The following FNIP2 variants were observed in gnomAD, a reference collection of about 807,000 sequenced individuals.
The protein encoded by FNIP2 is folliculin interacting protein 2, also known as folliculin-interacting protein 2.
FNIP2 carries 32 observed loss-of-function variants against 108.7 expected under a neutral mutation model. The ratio of observed to expected loss-of-function variants is 0.29; its 90% confidence interval spans 0.22 to 0.40. FNIP2 has a LOEUF of 0.40. Ranked by LOEUF, FNIP2 falls within the 10% of genes least tolerant of loss-of-function variation. The probability of loss-of-function intolerance (pLI) is 1.00; values close to 1 mark genes in which losing one functional copy is unlikely to be tolerated. For missense variants in FNIP2, 1,202 were observed against 1,381.6 expected, an observed-to-expected ratio of 0.87 and a Z score of 2.06; for synonymous variants, 480 against 496.7, an observed-to-expected ratio of 0.97 and a Z score of 0.45.
intron 7 of FNIP2, among the ~76,000 whole-genome samples, chr4:158,839,085 G>A (rs1778973036): frequency 6.6e-6 from 1 of 152,250 alleles, no homozygotes; most frequent in East Asian, 1.9e-4. Context: ...CTGAGGAAGT[G>A]TTTGTCAGTT....
chr4:158,832,915 G>A (rs753545036), intron 5 of FNIP2, among the ~76,000 whole-genome samples: 15 of 151,936 alleles, frequency 9.9e-5, no homozygotes, highest in South Asian at 4.2e-4. Context: ...TTCTGTCGTC[G>A]TTTTTGTCAG....
chr4:158,868,018 C>G lies in FNIP2; in HGVS notation c.1466-84C>G, dbSNP rs1343336835. 24 of 1,516,482 alleles carry G rather than the reference C, an allele frequency of 1.6e-5. No individual in the cohort carries two copies. The highest frequency in any genetic ancestry group is 2.7e-6 in the Non-Finnish European group (3 of 1,120,352). 93.9% of individuals were successfully genotyped at this position (1,516,482 alleles called of 1,614,324 possible). On this transcript the variant is annotated intron_variant, in intron 12 of 16. Transcript: ENST00000264433. This position sits in a 1 kb window ranked among gnomAD's most constrained non-coding sequence, Gnocchi z 4.6. Reference sequence around the variant, plus strand: ...ACTCCAGATTGGGAATATAAGTTATCTGTTTTGCTCTTGTAAAGACGGATA... The same window carrying G: ...ACTCCAGATTGGGAATATAAGTTATGTGTTTTGCTCTTGTAAAGACGGATA...
intron 15 of FNIP2, chr4:158,893,520 AGACT>A (rs1267558950): frequency 3.6e-6 from 2 of 553,394 alleles, no homozygotes; most frequent in African/African-American, 1.9e-5. Flanking sequence ...ATGGTTGCAA[AGACT>A]GACAACACCT....
intron 1 of FNIP2, among the ~76,000 whole-genome samples, chr4:158,822,073 G>A (rs948375635): frequency 4.0e-5 from 6 of 151,382 alleles, no homozygotes; most frequent in African/African-American, 7.3e-5. Context: ...GGGCAACAGA[G>A]CAAAAACCTG....
At chr4:158,779,907 G>A (rs1409543578) in intron 1 of FNIP2, among the ~76,000 whole-genome samples, 1 of 151,544 alleles carries the variant, frequency 6.6e-6, no homozygotes, top group Non-Finnish European at 1.5e-5. Context: ...AAAATGTGTG[G>A]GCAAAAAATA....
At chr4:158,843,590 G>A (rs951340592) in intron 7 of FNIP2, among the ~76,000 whole-genome samples, 14 of 152,304 alleles carry the variant, frequency 9.2e-5, no homozygotes, top group African/African-American at 2.9e-4. Context: ...CTTATGGAAG[G>A]CCTCTCTGAG....
intron 7 of FNIP2, among the ~76,000 whole-genome samples, chr4:158,841,255 G>T (rs188143579): frequency 6.6e-6 from 1 of 152,304 alleles, no homozygotes; most frequent in Admixed American, 6.5e-5. Flanking sequence ...GCGAGATAAG[G>T]CTGGGGTGAG....
chr4:158,851,724 G>T (rs1307061598), intron 8 of FNIP2, among the ~76,000 whole-genome samples: 2 of 152,172 alleles, frequency 1.3e-5, no homozygotes, highest in Non-Finnish European at 2.9e-5. Context: ...AAAATGGTGT[G>T]CTCTCTTTAA....
chr4:158,860,432 G>C (rs1392952612), intron 10 of FNIP2, among the ~76,000 whole-genome samples: 3 of 151,966 alleles, frequency 2.0e-5, no homozygotes, highest in Admixed American at 6.5e-5. Context: ...TTTTTACTGT[G>C]GATTATGTGT....
At chr4:158,806,956 T>TA (rs1007844257) in intron 1 of FNIP2, among the ~76,000 whole-genome samples, 6 of 152,202 alleles carry the variant, frequency 3.9e-5, no homozygotes, top group Non-Finnish European at 7.3e-5. Flanking sequence ...GGAGCTTGTC[T>TA]AAAAAGAATA....
chr4:158,835,366 A>C lies in FNIP2; in HGVS notation c.656-39A>C, dbSNP rs775793918. 26 of 1,584,544 alleles carry C rather than the reference A, an allele frequency of 1.6e-5. No homozygotes were observed. The East Asian group carries it at 3.6e-4, about 22-fold the overall frequency. Reference sequence around the variant, plus strand: ...GTCATTTTAAAAACTTTATCTCTGAAGAGCCCAATAACATGGTTTTCTTGT... The same window carrying C: ...GTCATTTTAAAAACTTTATCTCTGACGAGCCCAATAACATGGTTTTCTTGT... On this transcript the variant is annotated intron_variant, in intron 6 of 16. Transcript: ENST00000264433.
At chr4:158,811,622 G>A (rs13152601) in intron 1 of FNIP2, among the ~76,000 whole-genome samples, 45,983 of 151,896 alleles carry the variant, frequency 0.3, 7,593 homozygotes, top group Non-Finnish European at 0.38. Flanking sequence ...CCACTGAACC[G>A]AATTCCTAGA....
intron 12 of FNIP2, 126 bp downstream of exon 12, chr4:158,861,902 T>TAGGA: frequency 8.8e-7 from 1 of 1,136,348 alleles, no homozygotes; most frequent in Non-Finnish European, 1.3e-6. Context: ...AGATGAGGAA[T>TAGGA]AGGAAGTTGG....
intron 7 of FNIP2, among the ~76,000 whole-genome samples, chr4:158,842,546 A>G (rs1384266128): frequency 6.6e-6 from 1 of 152,200 alleles, no homozygotes; most frequent in African/African-American, 2.4e-5. Context: ...GACACAGTAC[A>G]CTAGAATAAT....
chr4:158,872,722 G>A, intron 14 of FNIP2: 1 of 981,224 alleles, frequency 1.0e-6, no homozygotes, highest in African/African-American at 1.8e-5. Flanking sequence ...TGGCGCTCTG[G>A]TCTATGGTAG....
At chr4:158,838,061 A>C (rs1338642044) in intron 7 of FNIP2, among the ~76,000 whole-genome samples, 1 of 152,168 alleles carries the variant, frequency 6.6e-6, no homozygotes, top group Non-Finnish European at 1.5e-5. Flanking sequence ...TTCACACTGT[A>C]ATTTGTTCGC....
chr4:158,815,011 A>C (rs559103880), intron 1 of FNIP2, among the ~76,000 whole-genome samples: 88 of 152,232 alleles, frequency 5.8e-4, no homozygotes, highest in Non-Finnish European at 1.0e-3. Context: ...CAATACAGTC[A>C]CACGGCTTAA....
At chr4:158,875,674 C>T (rs1781242213) in intron 14 of FNIP2, among the ~76,000 whole-genome samples, 1 of 151,778 alleles carries the variant, frequency 6.6e-6, no homozygotes. Context: ...TCAGCAACAA[C>T]CTTAAAATCA....
chr4:158,891,454 C>A lies in FNIP2; in HGVS notation c.2958C>A (p.Val986=), dbSNP rs1782273560. The change falls in exon 15 of 17, where the codon GTC becomes GTA. Residue 986 remains valine, a synonymous_variant. Coordinates refer to ENST00000264433, the MANE Select transcript of FNIP2 (RefSeq NM_020840.3). ...ADLVHTVHHP[V]LDEPIAEAVC... ...TTGTGTTTCTTTTTCAGCATCCAGT[C>A]CTGGATGAGCCAATAGCTGAAGCTG... 1.9e-6 allele frequency: 3 copies of A among 1,598,064 alleles called. No homozygotes were observed. Among genetic ancestry groups the A allele is most frequent in the Admixed American group, 1.7e-5 (1 of 57,324 alleles).
Sources: allele counts gnomAD v4.1 joint callset (sites outside exome capture counted in the v4.1 genomes callset), GRCh38; gene constraint gnomAD v4.1.1; non-coding constraint Gnocchi (gnomAD v3.1); transcripts MANE v1.5; gene names NCBI Gene and HGNC (gene_info 2026-07-23, HGNC 2026-07-21).